The following SRGAP1 variants were observed in gnomAD, a reference collection of about 807,000 sequenced individuals.
SRGAP1 encodes SLIT-ROBO Rho GTPase-activating protein 1.
Under a neutral mutation model 121.9 loss-of-function variants are expected in SRGAP1, and 43 were observed. That is an observed-to-expected ratio of 0.35 (90% confidence interval 0.28 to 0.46). The LOEUF (loss-of-function observed/expected upper bound fraction) is 0.46, where lower values mean the gene tolerates loss of function less well. Among genes scored for constraint, SRGAP1 ranks in the 20% least tolerant of loss-of-function variants. The pLI, the probability that SRGAP1 is intolerant of heterozygous loss-of-function variation, is 1.00. For synonymous variants in SRGAP1, 447 were observed against 485.4 expected (o/e 0.92, Z 1.04); for missense variants, 1,102 against 1,350.9 (o/e 0.82, Z 2.89).
chr12:64,136,471 A>T (rs906351837), intron 21 of SRGAP1, among the ~76,000 whole-genome samples: 1 of 152,206 alleles, frequency 6.6e-6, no homozygotes, highest in East Asian at 1.9e-4. Context: ...TGAAGTTTAA[A>T]AACTAAGTAG....
chr12:63,973,512 T>A (rs1024732938), intron 1 of SRGAP1, among the ~76,000 whole-genome samples: 1 of 152,186 alleles, frequency 6.6e-6, no homozygotes, highest in Non-Finnish European at 1.5e-5. Flanking sequence ...CTGTAAGAAT[T>A]AAATGAGATA....
chr12:64,033,459 G>A (rs1203909531), intron 4 of SRGAP1, among the ~76,000 whole-genome samples: 1 of 152,130 alleles, frequency 6.6e-6, no homozygotes, highest in Non-Finnish European at 1.5e-5. Flanking sequence ...GCTCATGCCT[G>A]TAATCCCAGC....
intron 11 of SRGAP1, among the ~76,000 whole-genome samples, chr12:64,087,667 C>T (rs1593115554): frequency 6.6e-6 from 1 of 151,940 alleles, no homozygotes; most frequent in East Asian, 1.9e-4. Context: ...ACCCGGCAGG[C>T]GGAGGTTGCA....
intron 15 of SRGAP1, among the ~76,000 whole-genome samples, chr12:64,101,485 C>G (rs2036255515): frequency 6.6e-6 from 1 of 152,024 alleles, no homozygotes; most frequent in African/African-American, 2.4e-5. Context: ...ATTTGTTCCC[C>G]AATTTATTGT....
intron 1 of SRGAP1, among the ~76,000 whole-genome samples, chr12:63,969,180 A>G (rs1469121185): frequency 6.6e-6 from 1 of 152,192 alleles, no homozygotes; most frequent in Non-Finnish European, 1.5e-5. Context: ...AACCATGAAA[A>G]TAAAATGAAT....
At chr12:64,066,435 G>A (rs2136541851) in intron 8 of SRGAP1, among the ~76,000 whole-genome samples, 2 of 152,262 alleles carry the variant, frequency 1.3e-5, no homozygotes, top group South Asian at 2.1e-4. Context: ...CAGAAATAGT[G>A]TATTTCTAGA....
At chr12:63,903,485 A>G (rs1254077001) in intron 1 of SRGAP1, among the ~76,000 whole-genome samples, 1 of 152,016 alleles carries the variant, frequency 6.6e-6, no homozygotes, top group Non-Finnish European at 1.5e-5. Flanking sequence ...ACTTCAAGTG[A>G]TCTGCCTGAC....
At chr12:63,863,199 C>T (rs1899511833) in intron 1 of SRGAP1, among the ~76,000 whole-genome samples, 2 of 151,336 alleles carry the variant, frequency 1.3e-5, no homozygotes, top group Non-Finnish European at 2.9e-5. Context: ...GAAGAGTTTT[C>T]TGAGTACAGT....
Position 63,963,320 on chromosome 12 carries a change from A to G in SRGAP1, c.68-20627A>G, listed in dbSNP as rs2032697920. On this transcript the variant is annotated intron_variant, in intron 1 of 21. Transcript: ENST00000355086. ...AGTTTTTCTCGGAACTGAAGTTTTA[A>G]GATAGTGTCATCTTTTAAGAGCAAG... Among the ~76,000 whole-genome samples the G allele has an allele frequency of 1.3e-5, 2 of 152,194 alleles. 1 individual carries two copies. Among genetic ancestry groups the G allele is most frequent in the Admixed American group, 1.3e-4 (2 of 15,282 alleles).
intron 12 of SRGAP1, 21 bp from the exon 13 acceptor site, chr12:64,094,911 G>C (rs369974054): frequency 6.2e-7 from 1 of 1,612,418 alleles, no homozygotes; most frequent in Admixed American, 1.7e-5. Context: ...GAGGTTAACT[G>C]GTTTCCATCC....
chr12:63,927,421 C>T (rs2031301459), intron 1 of SRGAP1, among the ~76,000 whole-genome samples: 1 of 152,200 alleles, frequency 6.6e-6, no homozygotes, highest in South Asian at 2.1e-4. Context: ...GGCCGACCAT[C>T]AGGCCAGCCA....
intron 4 of SRGAP1, among the ~76,000 whole-genome samples, chr12:64,027,655 C>G (rs1265290324): frequency 1.3e-5 from 2 of 152,106 alleles, no homozygotes; most frequent in African/African-American, 4.8e-5. Flanking sequence ...AACGAGATTG[C>G]AAAGAACATA....
chr12:64,008,442 CTG>C (rs2034152862), intron 3 of SRGAP1, among the ~76,000 whole-genome samples: 1 of 152,224 alleles, frequency 6.6e-6, no homozygotes, highest in East Asian at 1.9e-4. Flanking sequence ...GGCTGTAGTT[CTG>C]AGGTGGTGCT....
Position 63,882,266 on chromosome 12 carries a change from ATTTTGTTTTG to A in SRGAP1, c.67+37403_67+37412del, listed in dbSNP as rs149167503. ...ATCCAGTGTTTATAATGCTTCTGTA[ATTTTGTTTTG>A]TTTTGTTTTGTTTTGTTTTTTTGAG... On this transcript the variant is annotated intron_variant, in intron 1 of 21. Transcript: ENST00000355086. Among the ~76,000 whole-genome samples the A allele has an allele frequency of 6.0e-5, 9 of 150,920 alleles. No individual in the cohort carries two copies. In the South Asian group the frequency reaches 6.3e-4, roughly 11 times the overall value.
Position 64,065,124 on chromosome 12 carries a change from C to T in SRGAP1, c.1030C>T (p.Gln344Ter). ...FQSHMGDEVCQVSAQQPVQAE... is the reference protein window; with the variant it reads ...FQSHMGDEVC ...GTTTCTCATTCTCCATCAGGTGTGC[C>T]AGGTCAGTGCCCAGCAGCCAGTCCA... The change falls in exon 8 of 22, where the codon CAG (glutamine) becomes TAG (stop). Residue 344 changes from glutamine (Q) to a stop codon, truncating the protein, a stop_gained. Coordinates refer to ENST00000355086, the MANE Select transcript of SRGAP1 (RefSeq NM_020762.4). LOFTEE classifies it high-confidence loss of function. The T allele has an allele frequency of 1.2e-6, 2 of 1,612,362 alleles. No homozygotes were observed. The highest frequency in any genetic ancestry group is 1.3e-5 in the African/African-American group (1 of 74,966).
At chr12:63,953,465 T>A (rs1429537378) in intron 1 of SRGAP1, among the ~76,000 whole-genome samples, 1 of 150,396 alleles carries the variant, frequency 6.6e-6, no homozygotes, top group East Asian at 1.9e-4. Flanking sequence ...TGTAGTAGTG[T>A]GATCTTGGCT....
At chr12:64,117,614 T>G (rs2036543543) in intron 18 of SRGAP1, among the ~76,000 whole-genome samples, 1 of 152,216 alleles carries the variant, frequency 6.6e-6, no homozygotes, top group Non-Finnish European at 1.5e-5. Context: ...CTATATTCTC[T>G]TATTTTATTT....
intron 16 of SRGAP1, among the ~76,000 whole-genome samples, chr12:64,109,947 T>A (rs558769740): frequency 6.6e-6 from 1 of 152,192 alleles, no homozygotes; most frequent in African/African-American, 2.4e-5. Flanking sequence ...TAGGGAAATG[T>A]TGGCAGAGAA....
intron 1 of SRGAP1, among the ~76,000 whole-genome samples, chr12:63,892,325 AAG>A (rs1409112934): frequency 3.3e-5 from 5 of 152,210 alleles, no homozygotes; most frequent in Admixed American, 3.3e-4. Flanking sequence ...AAAAATAATG[AAG>A]AGTCATAAAA....
Sources: gnomAD v4.1 joint callset for allele counts (sites outside exome capture counted in the v4.1 genomes callset) on GRCh38, gnomAD v4.1.1 for gene constraint, MANE v1.5 for transcripts, NCBI Gene and HGNC (gene_info 2026-07-23, HGNC 2026-07-21) for gene names.